Variants in MYO3A observed in about 807,000 individuals in gnomAD.
The protein encoded by MYO3A is myosin-IIIa.
MYO3A carries 180 observed loss-of-function variants against 192.7 expected under a neutral mutation model. That is an observed-to-expected ratio of 0.93 (90% CI 0.83 to 1.06). The LOEUF (loss-of-function observed/expected upper bound fraction) is 1.06, where lower values mean the gene tolerates loss of function less well. Among genes scored for constraint, MYO3A ranks in the 50% least tolerant of loss-of-function variants. The pLI is 0.00. For missense variants in MYO3A, 1,896 were observed against 1,905.0 expected, an observed-to-expected ratio of 1.00 and a Z score of 0.09; for synonymous variants, 628 against 645.3, an observed-to-expected ratio of 0.97 and a Z score of 0.41.
Position 26,163,471 on chromosome 10 carries a change from G to A in MYO3A, c.3000-2596G>A, listed in dbSNP as rs193002347. Among the ~76,000 whole-genome samples, 914 of 152,320 alleles carry A rather than the reference G, an allele frequency of 6.0e-3. 2 individuals are homozygous for A. Among genetic ancestry groups the A allele is most frequent in the Non-Finnish European group, 9.5e-3 (643 of 68,032 alleles). ...GCAATTGCAAAAGTCTAGGTGAGAA[G>A]GGATGAGGTATTCAATTAAGGTAAT... On this transcript the variant is annotated intron_variant, in intron 26 of 34. Coordinates refer to ENST00000642920, the MANE Select transcript of MYO3A (RefSeq NM_017433.5).
At chr10:26,050,022 G>A (rs986415481) in intron 10 of MYO3A, among the ~76,000 whole-genome samples, 1 of 151,574 alleles carries the variant, frequency 6.6e-6, no homozygotes, top group African/African-American at 2.4e-5. Context: ...GTGAGTTATG[G>A]TCATCAGTTG....
At chr10:26,146,723 C>A (rs1405235199) in intron 22 of MYO3A, among the ~76,000 whole-genome samples, 1 of 152,148 alleles carries the variant, frequency 6.6e-6, no homozygotes, top group African/African-American at 2.4e-5. Context: ...TTTACATCTT[C>A]AAAATCTGAA....
rs764863926 is a variant in MYO3A at position 26,125,592 on chromosome 10, C to T, written c.2098C>T (p.His700Tyr). Residue 700 changes from histidine (H) to tyrosine (Y), a missense_variant, in exon 19 of 35, where the codon CAT becomes TAT. Coordinates refer to ENST00000642920, the MANE Select transcript of MYO3A (RefSeq NM_017433.5). ...CAATTGCATTAACAGTTTGTTGAAG[C>T]ATGACTCATCACCAAGGTAAAAATT... The part of the protein sequence containing the change: ...IVNCINSLLK[H>Y]DSSPSGNGDE... 1.2e-6 allele frequency: 2 copies of T among 1,613,964 alleles called. No homozygotes were observed. Among genetic ancestry groups the T allele is most frequent in the Non-Finnish European group, 1.7e-6 (2 of 1,179,858 alleles).
intron 10 of MYO3A, among the ~76,000 whole-genome samples, chr10:26,043,368 C>T (rs1262260118): frequency 6.6e-6 from 1 of 152,126 alleles, no homozygotes; most frequent in Non-Finnish European, 1.5e-5. Context: ...GGTGGCACAG[C>T]CAGCCAGGAT....
chr10:26,198,150 GT>G (rs908647957), intron 32 of MYO3A, among the ~76,000 whole-genome samples: 4 of 151,138 alleles, frequency 2.6e-5, no homozygotes, highest in Admixed American at 6.6e-5. Flanking sequence ...TTTTTGTTTT[GT>G]TTTTTTTTCT....
intron 4 of MYO3A, among the ~76,000 whole-genome samples, chr10:25,992,805 T>A (rs1005202701): frequency 4.9e-4 from 75 of 152,340 alleles, no homozygotes; most frequent in African/African-American, 1.8e-3. Flanking sequence ...TATGCTGGAT[T>A]ACGTTTATTG....
At chr10:26,041,858 A>G (rs1031356188) in intron 10 of MYO3A, among the ~76,000 whole-genome samples, 2 of 152,040 alleles carry the variant, frequency 1.3e-5, no homozygotes, top group African/African-American at 4.8e-5. Flanking sequence ...ATAATTTACC[A>G]TAGTTACAGT....
chr10:26,127,551 T>C (rs1345686169), intron 19 of MYO3A, among the ~76,000 whole-genome samples: 1 of 152,198 alleles, frequency 6.6e-6, no homozygotes, highest in East Asian at 1.9e-4. Context: ...TTCCTCCAAA[T>C]GTAGAGCGGA....
intron 14 of MYO3A, among the ~76,000 whole-genome samples, chr10:26,074,535 CTT>C (rs1219433260): frequency 6.8e-6 from 1 of 147,386 alleles, no homozygotes; most frequent in Non-Finnish European, 1.5e-5. Flanking sequence ...CAGTGTCACA[CTT>C]TTTATTGCTG....
chr10:26,158,256 T>TA (rs1841266288), intron 26 of MYO3A, among the ~76,000 whole-genome samples: 1 of 136,622 alleles, frequency 7.3e-6, no homozygotes. Context: ...TTTATTTTAT[T>TA]TTTTTTTTTT....
intron 11 of MYO3A, among the ~76,000 whole-genome samples, chr10:26,067,311 C>G (rs1017926009): frequency 7.9e-5 from 12 of 152,186 alleles, no homozygotes; most frequent in African/African-American, 2.9e-4. Flanking sequence ...CCAGATCTTT[C>G]CAGCCTAGTG....
At chr10:25,993,204 T>C (rs1840170285) in intron 4 of MYO3A, among the ~76,000 whole-genome samples, 1 of 152,208 alleles carries the variant, frequency 6.6e-6, no homozygotes, top group South Asian at 2.1e-4. Context: ...ATTGGTCTAT[T>C]CAGAGATTCA....
intron 5 of MYO3A, 108 bp from the exon 6 acceptor site, chr10:25,997,051 G>A (rs1840492912): frequency 8.6e-6 from 7 of 815,730 alleles, no homozygotes; most frequent in East Asian, 2.6e-5. Flanking sequence ...GTGTCTGAAT[G>A]TTAATTTTAT....
chr10:26,103,468 G>A (rs369907828), intron 17 of MYO3A, among the ~76,000 whole-genome samples: 14 of 152,178 alleles, frequency 9.2e-5, no homozygotes, highest in African/African-American at 2.9e-4. Flanking sequence ...TGTTGCTCAC[G>A]CTGGGAGCTG....
intron 1 of MYO3A, among the ~76,000 whole-genome samples, chr10:25,934,907 G>T (rs2130771816): frequency 6.6e-6 from 1 of 152,196 alleles, no homozygotes; most frequent in Admixed American, 6.5e-5. Flanking sequence ...ACTTGGGAAG[G>T]AAACGTAAGG....
At position 26,013,425 on chromosome 10, in the gene MYO3A, T is replaced by TA. The variant is rs148030068; in HGVS notation, c.509-3386dup. On this transcript the variant is annotated intron_variant, in intron 6 of 34. Coordinates refer to ENST00000642920, the MANE Select transcript of MYO3A (RefSeq NM_017433.5). ...ATCTACAAGGAACTCAAATTACCAA[T>TA]AAAAAAAAAGTCCATTAAAAAGTGG... Among the ~76,000 whole-genome samples the TA allele has an allele frequency of 3.4e-4, 50 of 148,482 alleles. 1 individual carries two copies. In the South Asian group the frequency reaches 9.2e-3, roughly 27 times the overall value.
chr10:26,159,093 C>T (rs1841328290), intron 26 of MYO3A, among the ~76,000 whole-genome samples: 1 of 151,470 alleles, frequency 6.6e-6, no homozygotes, highest in African/African-American at 2.4e-5. Context: ...TGGGTTCACA[C>T]CATTCTCCTG....
chr10:26,147,078 T>C (rs566321566), intron 22 of MYO3A, among the ~76,000 whole-genome samples: 4 of 152,310 alleles, frequency 2.6e-5, no homozygotes, highest in Admixed American at 2.0e-4. Context: ...TCAATTATCA[T>C]AGAAATAGGA....
At chr10:26,027,399 C>A (rs1048558080) in intron 10 of MYO3A, among the ~76,000 whole-genome samples, 3 of 152,026 alleles carry the variant, frequency 2.0e-5, no homozygotes, top group African/African-American at 7.2e-5. Flanking sequence ...GGCTGGAGTG[C>A]AGTGGTGCCA....
Sources: gnomAD v4.1 joint callset for allele counts (sites outside exome capture counted in the v4.1 genomes callset) on GRCh38, gnomAD v4.1.1 for gene constraint, MANE v1.5 for transcripts, NCBI Gene and HGNC (gene_info 2026-07-23, HGNC 2026-07-21) for gene names.